RANBP2: variants seen among roughly 807,000 people sequenced by gnomAD.
The protein encoded by RANBP2 is RAN binding protein 2.
Under a neutral mutation model 303.6 loss-of-function variants are expected in RANBP2, and 57 were observed. That is an observed-to-expected ratio of 0.19 (90% CI 0.15 to 0.23). RANBP2 has a LOEUF of 0.23. RANBP2 is among the 10% of genes least tolerant of loss of function. The probability of loss-of-function intolerance (pLI) is 1.00; values close to 1 mark genes in which losing one functional copy is unlikely to be tolerated. For synonymous variants in RANBP2, 1,167 were observed against 1,301.5 expected, an observed-to-expected ratio of 0.90 and a Z score of 2.23; for missense variants, 3,138 against 3,780.8, an observed-to-expected ratio of 0.83 and a Z score of 4.46.
the RANBP2 span, chr2:109,546,217 G>A: frequency 1.3e-6 from 2 of 1,571,392 alleles, no homozygotes; most frequent in Admixed American, 3.9e-5. Flanking sequence ...GTCTCTTAAG[G>A]TGCTCAAATT....
At chr2:109,734,777 T>C in the RANBP2 span, among the ~76,000 whole-genome samples, 2 of 152,314 alleles carry the variant, frequency 1.3e-5, no homozygotes, top group South Asian at 2.1e-4. Context: ...CAGAATAGCA[T>C]TGGCATAAGG....
the RANBP2 span, among the ~76,000 whole-genome samples, chr2:109,537,964 T>C: frequency 2.7e-5 from 4 of 150,892 alleles, no homozygotes; most frequent in East Asian, 2.0e-4. Flanking sequence ...CACACACACA[T>C]ACACACACAC....
chr2:109,383,540 G>T, the RANBP2 span, among the ~76,000 whole-genome samples: 1 of 152,142 alleles, frequency 6.6e-6, no homozygotes, highest in Admixed American at 6.5e-5. Flanking sequence ...AATGGATAGG[G>T]TGCAGGCTTC....
the RANBP2 span, chr2:109,371,551 G>A: frequency 1.6e-4 from 254 of 1,576,520 alleles, no homozygotes; most frequent in African/African-American, 2.0e-3. Flanking sequence ...GTGTGTGTCC[G>A]TATGCTTGTG....
At chr2:109,651,872 C>T in the RANBP2 span, among the ~76,000 whole-genome samples, 1 of 152,132 alleles carries the variant, frequency 6.6e-6, no homozygotes, top group East Asian at 1.9e-4. Flanking sequence ...CTACTCCCTG[C>T]CCCAGCTTGC....
the RANBP2 span, among the ~76,000 whole-genome samples, chr2:109,652,828 C>T: frequency 1.2e-4 from 19 of 152,248 alleles, no homozygotes; most frequent in South Asian, 2.7e-3. Context: ...AGATGTTTCG[C>T]GTTCTAGAGA....
the RANBP2 span, among the ~76,000 whole-genome samples, chr2:109,379,002 C>T: frequency 6.6e-6 from 1 of 152,216 alleles, no homozygotes; most frequent in African/African-American, 2.4e-5. Context: ...GCCACTGTGG[C>T]TCCCCAGATC....
At chr2:109,547,673 G>A in the RANBP2 span, among the ~76,000 whole-genome samples, 7 of 152,024 alleles carry the variant, frequency 4.6e-5, no homozygotes, top group African/African-American at 1.7e-4. Flanking sequence ...ATCATAGAAG[G>A]CATATTTCTC....
the RANBP2 span, among the ~76,000 whole-genome samples, chr2:109,006,814 C>T: frequency 1.3e-5 from 2 of 152,214 alleles, no homozygotes; most frequent in African/African-American, 4.8e-5. Context: ...CCTCCTAAAC[C>T]TTCTTAGGGC....
At chr2:108,854,082 T>C in the RANBP2 span, among the ~76,000 whole-genome samples, 4 of 131,536 alleles carry the variant, frequency 3.0e-5, no homozygotes, top group African/African-American at 1.1e-4. Flanking sequence ...TATAATATAA[T>C]AAATTTATAT....
chr2:108,994,361 A>C, the RANBP2 span, among the ~76,000 whole-genome samples: 1 of 152,204 alleles, frequency 6.6e-6, no homozygotes, highest in African/African-American at 2.4e-5. Context: ...CACCACCTCC[A>C]TTATGTAAGC....
chr2:108,857,065 GCTTTTTT>G, the RANBP2 span: 2 of 55,342 alleles, frequency 3.6e-5, no homozygotes, highest in South Asian at 5.4e-4. Flanking sequence ...AGATACTATT[GCTTTTTT>G]TTTTTTTTTT....
the RANBP2 span, among the ~76,000 whole-genome samples, chr2:108,978,940 A>G: frequency 1.3e-5 from 2 of 152,248 alleles, no homozygotes; most frequent in Admixed American, 6.5e-5. Context: ...AAAGCTTTCC[A>G]AAAGGAAACC....
the RANBP2 span, among the ~76,000 whole-genome samples, chr2:109,506,632 C>T: frequency 2.6e-5 from 4 of 152,194 alleles, no homozygotes; most frequent in South Asian, 2.1e-4. Flanking sequence ...CAACAGCCCC[C>T]GAAGTGTGGT....
chr2:109,025,536 G>T, the RANBP2 span, among the ~76,000 whole-genome samples: 1 of 152,130 alleles, frequency 6.6e-6, no homozygotes, highest in Non-Finnish European at 1.5e-5. Flanking sequence ...GGGCGGGTGC[G>T]GTGGCTCACG....
chr2:109,425,099 A>T, the RANBP2 span, among the ~76,000 whole-genome samples: 2 of 152,234 alleles, frequency 1.3e-5, no homozygotes, highest in Non-Finnish European at 2.9e-5. Context: ...AGTGGCCTGG[A>T]TAGAAGATCA....
the RANBP2 span, among the ~76,000 whole-genome samples, chr2:108,860,846 C>T: frequency 1.4e-5 from 2 of 143,694 alleles, no homozygotes; most frequent in Non-Finnish European, 1.5e-5. Flanking sequence ...CCCTCCTCCT[C>T]GATATTTTGG....
the RANBP2 span, among the ~76,000 whole-genome samples, chr2:109,661,801 T>G: frequency 6.6e-6 from 1 of 152,300 alleles, no homozygotes; most frequent in East Asian, 1.9e-4. Flanking sequence ...TCTAACTCAT[T>G]AATGTCCCCA....
chr2:108,780,984 C>T (rs1391389228), intron 25 of RANBP2, among the ~76,000 whole-genome samples: 2 of 152,100 alleles, frequency 1.3e-5, no homozygotes, highest in African/African-American at 4.8e-5. Context: ...GCTGGGATTA[C>T]AGGCGTGAGC....
Sources: allele counts gnomAD v4.1 joint callset (sites outside exome capture counted in the v4.1 genomes callset), GRCh38; gene constraint gnomAD v4.1.1; transcripts MANE v1.5; gene names NCBI Gene and HGNC (gene_info 2026-07-23, HGNC 2026-07-21).